Variants in DYM observed in about 807,000 individuals in gnomAD.
The protein encoded by DYM is dyggve-Melchior-Clausen syndrome protein.
DYM carries 78 observed loss-of-function variants against 93.1 expected under a neutral mutation model. That is an observed-to-expected ratio of 0.84 (90% CI 0.70 to 1.01). The LOEUF is 1.01. Ranked by LOEUF, DYM falls within the 50% of genes least tolerant of loss-of-function variation. The probability of loss-of-function intolerance (pLI) is 0.00; values close to 1 mark genes in which losing one functional copy is unlikely to be tolerated. For missense variants in DYM, 789 were observed against 845.0 expected (o/e 0.93, Z 0.82); for synonymous variants, 321 against 319.7 (o/e 1.00, Z -0.04).
intron 17 of DYM, among the ~76,000 whole-genome samples, chr18:49,054,142 A>T (rs116357053): frequency 1.1e-3 from 174 of 152,368 alleles, no homozygotes; most frequent in African/African-American, 3.9e-3. Context: ...ATGAAATATT[A>T]TAATTTAACA....
chr18:49,208,600 G>GTTT (rs1205983055), intron 14 of DYM: 2 of 152,054 alleles, frequency 1.3e-5, no homozygotes, highest in Non-Finnish European at 2.9e-5. Context: ...TAGCAATCAA[G>GTTT]TATTTTCACT....
At chr18:49,147,906 C>A (rs549709431) in intron 15 of DYM, among the ~76,000 whole-genome samples, 2 of 152,086 alleles carry the variant, frequency 1.3e-5, no homozygotes, top group African/African-American at 4.8e-5. Context: ...ATGTTTATTG[C>A]GGCACTATTC....
intron 13 of DYM, among the ~76,000 whole-genome samples, chr18:49,229,270 T>C (rs8084170): frequency 0.31 from 47,636 of 151,834 alleles, 9,610 homozygotes; most frequent in African/African-American, 0.57. Context: ...TATAAACAAG[T>C]ATCAGGGGAA....
intron 2 of DYM, among the ~76,000 whole-genome samples, chr18:49,418,992 GTTTA>G (rs1229283623): frequency 6.6e-6 from 1 of 152,140 alleles, no homozygotes; most frequent in Admixed American, 6.5e-5. Context: ...TTACAATGCA[GTTTA>G]TTTACTTTAC....
intron 15 of DYM, among the ~76,000 whole-genome samples, chr18:49,146,779 T>A (rs959546439): frequency 6.6e-6 from 1 of 152,148 alleles, no homozygotes; most frequent in Non-Finnish European, 1.5e-5. Context: ...CCCAAGGTAA[T>A]TTATAGATTC....
intron 15 of DYM, among the ~76,000 whole-genome samples, chr18:49,123,401 T>C (rs1030494796): frequency 4.6e-5 from 7 of 152,168 alleles, no homozygotes; most frequent in Non-Finnish European, 1.0e-4. Flanking sequence ...TGTTTCAAGA[T>C]CCCATGGTGA....
In DYM at chr18:49,348,611, TA is replaced by T. The variant is rs34305223; in HGVS notation, c.494+14549del. Among the ~76,000 whole-genome samples the T allele has an allele frequency of 4.6e-3, 670 of 144,712 alleles. 4 individuals carry two copies. The highest frequency in any genetic ancestry group is 0.013 in the African/African-American group (506 of 39,446). The allele number at this position is 144,712 out of a possible 152,430, so 94.9% of individuals were successfully genotyped here. A position where few individuals can be genotyped will look rare whatever the true frequency, so the allele number is the denominator to read the frequency against. ...TATCCATTACTTTTTTTATGATTTA[TA>T]AAAAAAAAAAAATGGGCCGAGTGCG... On this transcript the variant is annotated intron_variant, in intron 6 of 17. Transcript: ENST00000675505.
chr18:49,043,407 A>G lies in DYM; in HGVS notation c.*648T>C, dbSNP rs1355436290. 2.0e-5 allele frequency: 3 copies of G among 152,306 alleles called. No individual in the cohort carries two copies. In the East Asian group the frequency reaches 5.8e-4, roughly 29 times the overall value. 9.4% of individuals were successfully genotyped at this position (152,306 alleles called of 1,614,324 possible). On this transcript the variant is annotated 3_prime_UTR_variant, in exon 18 of 18. Coordinates refer to ENST00000675505, the MANE Select transcript of DYM (RefSeq NM_001353214.3). ...GGCTCCCCAAAGTGCTGGGATTACA[A>G]ATGTGAGCCACTGTATCTGGCCCAT...
chr18:49,423,660 A>C (rs960794378), intron 2 of DYM, among the ~76,000 whole-genome samples: 1 of 152,210 alleles, frequency 6.6e-6, no homozygotes, highest in African/African-American at 2.4e-5. Context: ...CAAGACTAAT[A>C]AAGAAGAAAA....
intron 15 of DYM, among the ~76,000 whole-genome samples, chr18:49,123,455 C>CTGT (rs2082550288): frequency 6.6e-6 from 1 of 152,170 alleles, no homozygotes; most frequent in Non-Finnish European, 1.5e-5. Context: ...TATAATTTAA[C>CTGT]TGTTATTATT....
At chr18:49,348,783 C>T (rs940705942) in intron 6 of DYM, among the ~76,000 whole-genome samples, 4 of 151,692 alleles carry the variant, frequency 2.6e-5, no homozygotes, top group Non-Finnish European at 4.4e-5. Flanking sequence ...GTGGTGCACA[C>T]CTGTAATCCC....
intron 1 of DYM, among the ~76,000 whole-genome samples, chr18:49,450,321 T>C (rs948324212): frequency 6.6e-6 from 1 of 152,252 alleles, no homozygotes; most frequent in Non-Finnish European, 1.5e-5. Context: ...TTAGGTGAAC[T>C]TTCCTATGAG....
At chr18:49,438,710 G>C (rs1415794752) in intron 1 of DYM, among the ~76,000 whole-genome samples, 3 of 152,062 alleles carry the variant, frequency 2.0e-5, no homozygotes, top group African/African-American at 7.2e-5. Context: ...CAACACCCTG[G>C]GCACCTGGAG....
At chr18:49,302,085 TTAA>T (rs1211016662) in intron 8 of DYM, among the ~76,000 whole-genome samples, 1 of 152,238 alleles carries the variant, frequency 6.6e-6, no homozygotes. Flanking sequence ...GATGAAATCA[TTAA>T]TGATCCGAGT....
At chr18:49,416,607 CACTT>C (rs1271216342) in intron 2 of DYM, among the ~76,000 whole-genome samples, 2 of 152,162 alleles carry the variant, frequency 1.3e-5, no homozygotes, top group African/African-American at 4.8e-5. Context: ...TGGTTACACA[CACTT>C]ACTGAGATGT....
Position 49,429,377 on chromosome 18 carries a change from G to A in DYM, c.140+878C>T, listed in dbSNP as rs1333631766. ...GACATCTTTGGGGGGCTACTATTCTGCCTATCATAATAAAGCTCTTAAAAA... is the reference window on the plus strand; with the variant it reads ...GACATCTTTGGGGGGCTACTATTCTACCTATCATAATAAAGCTCTTAAAAA... On this transcript the variant is annotated intron_variant, in intron 2 of 17. Coordinates refer to ENST00000675505, the MANE Select transcript of DYM (RefSeq NM_001353214.3). 2.6e-5 allele frequency among the ~76,000 whole-genome samples: 4 copies of A among 152,134 alleles called. 1 individual carries two copies. Among genetic ancestry groups the A allele is most frequent in the Non-Finnish European group, 5.9e-5 (4 of 68,040 alleles).
rs1444434223 is a variant in DYM at position 49,257,091 on chromosome 18, T to C, written c.1379A>G (p.His460Arg). Residue 460 changes from histidine (H) to arginine (R), a missense_variant, in exon 13 of 18, where the codon CAC becomes CGC. His to Arg is a conservative substitution (Grantham distance 29, BLOSUM62 0). Transcript: ENST00000675505. ...TGCTAAAGCTGCCAAACAATTTGTG[T>C]GAAGGTACTTGTCCTGTGAGGAAAC... ...NMTRTRDKYL[H>R]TNCLAALANM... is the part of the protein sequence containing the mutation. 6.2e-7 allele frequency: 1 copy of C among 1,613,822 alleles called. No individual in the cohort carries two copies. Among genetic ancestry groups the C allele is most frequent in the East Asian group, 2.2e-5 (1 of 44,838 alleles).
At chr18:49,445,258 C>T (rs2081998490) in intron 1 of DYM, among the ~76,000 whole-genome samples, 1 of 152,222 alleles carries the variant, frequency 6.6e-6, no homozygotes, top group East Asian at 1.9e-4. Context: ...TCTACCAACT[C>T]CTAACCTACA....
chr18:49,181,356 G>A (rs1380595601), intron 14 of DYM, among the ~76,000 whole-genome samples: 1 of 152,028 alleles, frequency 6.6e-6, no homozygotes, highest in African/African-American at 2.4e-5. Context: ...TTTAATCCTT[G>A]ATCCCCCAGT....
Sources: gnomAD v4.1 joint callset for allele counts (sites outside exome capture counted in the v4.1 genomes callset) on GRCh38, gnomAD v4.1.1 for gene constraint, MANE v1.5 for transcripts, NCBI Gene and HGNC (gene_info 2026-07-23, HGNC 2026-07-21) for gene names.